Variants in SNX9 observed in about 807,000 individuals in gnomAD.
SNX9 encodes sorting nexin-9.
In SNX9, 44 loss-of-function variants were observed where a neutral mutation model predicts 89.4. The ratio of observed to expected loss-of-function variants is 0.49; its 90% CI spans 0.39 to 0.63. The LOEUF is 0.63. SNX9 is among the 30% of genes least tolerant of loss of function. The probability of loss-of-function intolerance (pLI) is 0.00; values close to 1 mark genes in which losing one functional copy is unlikely to be tolerated. For missense variants in SNX9, 578 were observed against 736.1 expected (o/e 0.79, Z 2.49); for synonymous variants, 236 against 247.8 (o/e 0.95, Z 0.45).
chr6:157,856,146 T>G (rs1264478239), intron 1 of SNX9, among the ~76,000 whole-genome samples: 1 of 152,266 alleles, frequency 6.6e-6, no homozygotes, highest in East Asian at 1.9e-4. Flanking sequence ...TGTAAAAGAC[T>G]TGTCGATTTT....
At chr6:157,841,118 A>C (rs1004122272) in intron 1 of SNX9, among the ~76,000 whole-genome samples, 3 of 152,236 alleles carry the variant, frequency 2.0e-5, no homozygotes, top group African/African-American at 7.2e-5. Flanking sequence ...GAACTGGGGC[A>C]GAATGCTGTT....
intron 11 of SNX9, 145 bp downstream of exon 11, chr6:157,927,359 G>A (rs1783715813): frequency 1.6e-6 from 1 of 610,008 alleles, no homozygotes; most frequent in Non-Finnish European, 2.9e-6. Context: ...CAATGACAAG[G>A]GAAACATCAT....
intron 1 of SNX9, among the ~76,000 whole-genome samples, chr6:157,852,579 TTTTTG>T (rs151167347): frequency 0.075 from 11,393 of 151,992 alleles, 1,256 homozygotes; most frequent in African/African-American, 0.24. Context: ...ATGTGCTACT[TTTTTG>T]TTTTGTTTTT....
chr6:157,938,673 C>G lies in SNX9; in HGVS notation c.1574C>G (p.Ala525Gly). The change falls in exon 16 of 18, where the codon GCA (alanine) becomes GGA (glycine). Residue 525 changes from alanine (A) to glycine (G), a missense_variant. By Grantham distance (60) the Ala-to-Gly change is moderately conservative (BLOSUM62 0). Around this residue, in one of 2 missense-constraint regions of SNX9, gnomAD observed 348 missense variants for 491.4 expected, o/e 0.71. Transcript: ENST00000392185. Reference sequence around the variant, plus strand: ...GTGAAAGAAAGTGACAAACTAGTTGCAACAAGTAAAATCACCCTACAAGAC... The same window carrying G: ...GTGAAAGAAAGTGACAAACTAGTTGGAACAAGTAAAATCACCCTACAAGAC... ...EKVKESDKLV[A>G]TSKITLQDKQ... The G allele has an allele frequency of 6.2e-7, 1 of 1,613,964 alleles. No individual in the cohort carries two copies. Among genetic ancestry groups the G allele is most frequent in the Non-Finnish European group, 8.5e-7 (1 of 1,179,934 alleles).
At chr6:157,870,296 G>A (rs943142144) in intron 2 of SNX9, among the ~76,000 whole-genome samples, 9 of 140,448 alleles carry the variant, frequency 6.4e-5, no homozygotes, top group Admixed American at 5.8e-4. Flanking sequence ...ATGCACTCAC[G>A]TGTGAGCACG....
At chr6:157,878,700 C>T (rs774319385) in intron 4 of SNX9, among the ~76,000 whole-genome samples, 77 of 152,160 alleles carry the variant, frequency 5.1e-4, no homozygotes, top group Non-Finnish European at 8.8e-4. Flanking sequence ...CAATTGCATC[C>T]GGCCTATGGA....
chr6:157,849,281 G>A (rs1035290559), intron 1 of SNX9, among the ~76,000 whole-genome samples: 2 of 152,206 alleles, frequency 1.3e-5, no homozygotes, highest in African/African-American at 4.8e-5. Context: ...GAGATAACAG[G>A]CATAAACTGG....
At chr6:157,887,452 G>GCT (rs994990773) in intron 4 of SNX9, among the ~76,000 whole-genome samples, 2 of 152,088 alleles carry the variant, frequency 1.3e-5, no homozygotes, top group African/African-American at 4.8e-5. Context: ...AGTCTCCAGA[G>GCT]CTCTCTCTCT....
rs1389800875 is a variant in SNX9, at chr6:157,883,335, T to TCACGAG, written c.300+8159_300+8160insCACGAG. 4.3e-4 allele frequency among the ~76,000 whole-genome samples: 65 copies of TCACGAG among 152,230 alleles called. 1 individual carries two copies. Among genetic ancestry groups the TCACGAG allele is most frequent in the Non-Finnish European group, 7.3e-5 (5 of 68,040 alleles). On this transcript the variant is annotated intron_variant, in intron 4 of 17. Coordinates refer to ENST00000392185, the MANE Select transcript of SNX9 (RefSeq NM_016224.5). ...CATGACTCACTTTAACGTGATGGAC[T>TCACGAG]GGAACCAAACCCTCAGCATTGCTGA...
intron 9 of SNX9, among the ~76,000 whole-genome samples, chr6:157,915,883 C>T (rs1783458562): frequency 6.8e-6 from 1 of 147,180 alleles, no homozygotes; most frequent in African/African-American, 2.5e-5. Flanking sequence ...GTAAATGGTA[C>T]TGTTTTTTAA....
At chr6:157,840,957 T>C (rs6899510) in intron 1 of SNX9, among the ~76,000 whole-genome samples, 5,847 of 152,250 alleles carry the variant, frequency 0.038, 297 homozygotes, top group African/African-American at 0.11. Context: ...TGCAGACTGC[T>C]GGATTTCTGA....
At chr6:157,900,269 G>GA (rs1363654523) in intron 5 of SNX9, among the ~76,000 whole-genome samples, 2 of 152,046 alleles carry the variant, frequency 1.3e-5, no homozygotes, top group African/African-American at 2.4e-5. Context: ...GTCTTCTTTG[G>GA]AAAAATGTCA....
chr6:157,922,503 G>A (rs1164054057), intron 10 of SNX9, among the ~76,000 whole-genome samples: 5 of 152,152 alleles, frequency 3.3e-5, no homozygotes, highest in Admixed American at 1.3e-4. Flanking sequence ...TTGGAACTTC[G>A]AGAGGTTTAC....
At chr6:157,915,858 T>C (rs536167836) in intron 9 of SNX9, among the ~76,000 whole-genome samples, 3 of 148,362 alleles carry the variant, frequency 2.0e-5, no homozygotes, top group Admixed American at 6.7e-5. Context: ...AAGAATTTCA[T>C]TGGAGAGTTG....
intron 1 of SNX9, among the ~76,000 whole-genome samples, chr6:157,831,583 C>G (rs1457417717): frequency 6.6e-6 from 1 of 152,166 alleles, no homozygotes; most frequent in Admixed American, 6.5e-5. Flanking sequence ...CCCCTGCCCC[C>G]ACACAGTCCC....
At chr6:157,834,194 G>T (rs1184728764) in intron 1 of SNX9, among the ~76,000 whole-genome samples, 4 of 104,748 alleles carry the variant, frequency 3.8e-5, no homozygotes, top group South Asian at 3.3e-4. Flanking sequence ...TTGAGTCAGG[G>T]TCTCTCTTCT....
intron 5 of SNX9, among the ~76,000 whole-genome samples, chr6:157,901,080 T>G (rs1161635857): frequency 1.3e-5 from 2 of 152,208 alleles, no homozygotes; most frequent in African/African-American, 4.8e-5. Flanking sequence ...ATAGGAATCT[T>G]GGTGATGTGA....
chr6:157,834,150 GTTTTTTTTTTTTTTTT>G (rs561509955), intron 1 of SNX9, among the ~76,000 whole-genome samples: 6 of 35,620 alleles, frequency 1.7e-4, no homozygotes, highest in South Asian at 1.3e-3. Flanking sequence ...GTCCACTGTG[GTTTTTTTTTTTTTTTT>G]TTTTTTTTTT....
intron 13 of SNX9, chr6:157,934,285 A>G (rs1180958693): frequency 6.6e-6 from 1 of 151,700 alleles, no homozygotes; most frequent in Non-Finnish European, 1.5e-5. Context: ...AATATAAGCA[A>G]TAAAAATTCT....
Sources: gnomAD v4.1 joint callset for allele counts (sites outside exome capture counted in the v4.1 genomes callset) on GRCh38, gnomAD v4.1.1 for gene constraint, gnomAD v4.1.1 regional missense constraint, MANE v1.5 for transcripts, NCBI Gene and HGNC (gene_info 2026-07-23, HGNC 2026-07-21) for gene names.